Variants in SDK1 observed in about 807,000 individuals in gnomAD.
SDK1 encodes the protein protein sidekick-1.
SDK1 carries 157 observed loss-of-function variants against 245.5 expected under a neutral mutation model. The ratio of observed to expected loss-of-function variants is 0.64; its 90% CI spans 0.56 to 0.73. SDK1 has a LOEUF of 0.73. Among genes scored for constraint, SDK1 ranks in the 30% least tolerant of loss-of-function variants. The pLI is 0.00. For missense variants in SDK1, 3,583 were observed against 3,002.3 expected (o/e 1.19, Z -4.52); for synonymous variants, 1,647 against 1,278.5 (o/e 1.29, Z -6.15).
intron 14 of SDK1, among the ~76,000 whole-genome samples, chr7:3,994,171 C>T (rs1784539747): frequency 6.6e-6 from 1 of 152,154 alleles, no homozygotes; most frequent in African/African-American, 2.4e-5. Context: ...CACCTTTGAC[C>T]CACACACCAT....
intron 1 of SDK1, among the ~76,000 whole-genome samples, chr7:3,614,768 G>A (rs1257660311): frequency 6.6e-6 from 1 of 152,120 alleles, no homozygotes; most frequent in Non-Finnish European, 1.5e-5. Flanking sequence ...ATTTTAATTT[G>A]AACGCTTAAA....
At chr7:3,805,962 G>A (rs551985698) in intron 4 of SDK1, among the ~76,000 whole-genome samples, 7 of 151,874 alleles carry the variant, frequency 4.6e-5, no homozygotes, top group African/African-American at 9.7e-5. Context: ...TCTAGTTTTC[G>A]TGCTTCTCTC....
At chr7:3,663,754 G>A (rs2341449) in intron 4 of SDK1, among the ~76,000 whole-genome samples, 54,590 of 151,864 alleles carry the variant, frequency 0.36, 10,736 homozygotes, top group African/African-American at 0.52. Flanking sequence ...ATTATGTGTT[G>A]TCCCTACCAC....
intron 1 of SDK1, among the ~76,000 whole-genome samples, chr7:3,409,966 C>T (rs571685558): frequency 1.3e-5 from 2 of 152,214 alleles, no homozygotes; most frequent in African/African-American, 2.4e-5. Flanking sequence ...ATACTAGCTA[C>T]AGTGATAAGT....
intron 17 of SDK1, among the ~76,000 whole-genome samples, chr7:4,018,197 G>T (rs1303039934): frequency 6.6e-6 from 1 of 152,214 alleles, no homozygotes; most frequent in Admixed American, 6.5e-5. Flanking sequence ...GCCCTCGCCT[G>T]ATTCACAGGT....
At chr7:3,379,315 G>A (rs1038907509) in intron 1 of SDK1, among the ~76,000 whole-genome samples, 4 of 152,134 alleles carry the variant, frequency 2.6e-5, no homozygotes, top group Admixed American at 6.5e-5. Context: ...TTCTTGTTCT[G>A]TGAGGAGAAG....
At chr7:3,717,495 C>A (rs557849006) in intron 4 of SDK1, among the ~76,000 whole-genome samples, 1 of 152,178 alleles carries the variant, frequency 6.6e-6, no homozygotes, top group African/African-American at 2.4e-5. Flanking sequence ...AGGGAAGTCT[C>A]AAATCAATAA....
At chr7:3,652,354 A>C (rs11768731) in intron 4 of SDK1, among the ~76,000 whole-genome samples, 1 of 152,184 alleles carries the variant, frequency 6.6e-6, no homozygotes, top group Admixed American at 6.5e-5. Flanking sequence ...AGTCCTGGCA[A>C]ATGTGACCTG....
chr7:3,943,470 C>T (rs1780452217), intron 5 of SDK1, among the ~76,000 whole-genome samples: 7 of 45,936 alleles, frequency 1.5e-4, no homozygotes, highest in Middle Eastern at 9.3e-3. Flanking sequence ...AAGCTGTGTG[C>T]CCAGCTGCCT....
intron 1 of SDK1, among the ~76,000 whole-genome samples, chr7:3,343,792 C>G (rs1310313398): frequency 1.3e-5 from 2 of 151,894 alleles, no homozygotes; most frequent in Non-Finnish European, 2.9e-5. Flanking sequence ...CAGGTGATAA[C>G]AAGTAACTCT....
chr7:3,472,242 G>A (rs1781206561), intron 1 of SDK1, among the ~76,000 whole-genome samples: 1 of 152,066 alleles, frequency 6.6e-6, no homozygotes, highest in African/African-American at 2.4e-5. Flanking sequence ...TAGCCATAGT[G>A]CTTTTATAAT....
chr7:3,349,380 C>T (rs1327633897), intron 1 of SDK1, among the ~76,000 whole-genome samples: 3 of 147,228 alleles, frequency 2.0e-5, no homozygotes, highest in Non-Finnish European at 4.5e-5. Context: ...CCTGCTCCTC[C>T]AACTGGAAGG....
intron 5 of SDK1, among the ~76,000 whole-genome samples, chr7:3,835,810 A>T (rs142274383): frequency 4.6e-5 from 7 of 152,178 alleles, no homozygotes; most frequent in Non-Finnish European, 8.8e-5. Context: ...AGCAATTTCA[A>T]TATGGATTGG....
intron 4 of SDK1, among the ~76,000 whole-genome samples, chr7:3,815,011 G>T (rs1408545353): frequency 6.8e-6 from 1 of 147,586 alleles, no homozygotes; most frequent in Non-Finnish European, 1.5e-5. Flanking sequence ...AGGAGATTTT[G>T]GGCTGAGACA....
At chr7:3,940,513 C>T (rs1780318109) in intron 5 of SDK1, among the ~76,000 whole-genome samples, 1 of 152,192 alleles carries the variant, frequency 6.6e-6, no homozygotes, top group Non-Finnish European at 1.5e-5. Context: ...CCATCGTTCT[C>T]ACTGTCCTCA....
chr7:4,090,914 C>T (rs906273286), intron 22 of SDK1, among the ~76,000 whole-genome samples: 4 of 152,252 alleles, frequency 2.6e-5, no homozygotes, highest in South Asian at 2.1e-4. Context: ...TACATCTATC[C>T]GAGCCCTTCT....
chr7:3,834,875 C>G (rs1034518041), intron 5 of SDK1, among the ~76,000 whole-genome samples: 1 of 152,152 alleles, frequency 6.6e-6, no homozygotes, highest in Admixed American at 6.5e-5. Context: ...CTGGTCCCCT[C>G]TCCGTCCCTG....
intron 1 of SDK1, among the ~76,000 whole-genome samples, chr7:3,419,495 G>A (rs192208113): frequency 3.5e-4 from 53 of 152,136 alleles, no homozygotes; most frequent in African/African-American, 1.1e-3. Flanking sequence ...TCTCCCACCC[G>A]GCAGGTCCGC....
chr7:3,367,990 C>A (rs1781133411), intron 1 of SDK1, among the ~76,000 whole-genome samples: 1 of 152,136 alleles, frequency 6.6e-6, no homozygotes, highest in Admixed American at 6.5e-5. Flanking sequence ...ATGAACATTG[C>A]AGAAAGACTG....
Sources: allele counts gnomAD v4.1 joint callset (sites outside exome capture counted in the v4.1 genomes callset), GRCh38; gene constraint gnomAD v4.1.1; transcripts MANE v1.5; gene names NCBI Gene and HGNC (gene_info 2026-07-23, HGNC 2026-07-21).